The following UPF2 variants were observed in gnomAD, a reference collection of about 807,000 sequenced individuals.
The protein encoded by UPF2 is UPF2 regulator of nonsense mediated mRNA decay.
UPF2 carries 17 observed loss-of-function variants against 141.4 expected under a neutral mutation model. The ratio of observed to expected loss-of-function variants is 0.12; its 90% CI spans 0.08 to 0.18. The LOEUF (loss-of-function observed/expected upper bound fraction) is 0.18, where lower values mean the gene tolerates loss of function less well. Ranked by LOEUF, UPF2 falls within the 10% of genes least tolerant of loss-of-function variation. UPF2 has a pLI of 1.00. For synonymous variants in UPF2, 540 were observed against 498.0 expected (o/e 1.08, Z -1.12); for missense variants, 1,152 against 1,515.9 (o/e 0.76, Z 3.99).
intron 9 of UPF2, among the ~76,000 whole-genome samples, chr10:11,975,915 T>C (rs1438433440): frequency 1.3e-5 from 2 of 152,238 alleles, no homozygotes; most frequent in Non-Finnish European, 2.9e-5. Flanking sequence ...GGCTTTCAGA[T>C]GATCAGTTTT....
At chr10:11,964,823 G>A (rs564659525) in intron 10 of UPF2, among the ~76,000 whole-genome samples, 9 of 152,152 alleles carry the variant, frequency 5.9e-5, no homozygotes, top group African/African-American at 1.4e-4. Flanking sequence ...GAAATGTTTC[G>A]GATTTCCAAT....
chr10:11,969,162 T>C (rs971611969), intron 9 of UPF2, among the ~76,000 whole-genome samples: 4 of 151,646 alleles, frequency 2.6e-5, no homozygotes, highest in South Asian at 4.2e-4. Context: ...ACAATCAGCC[T>C]AGAACTTTTT....
chr10:12,027,365 CAAGA>C, intron 3 of UPF2, among the ~76,000 whole-genome samples: 1 of 152,248 alleles, frequency 6.6e-6, no homozygotes, highest in East Asian at 1.9e-4. Flanking sequence ...TCAAAGTAGC[CAAGA>C]ACTAATCAAT....
intron 9 of UPF2, among the ~76,000 whole-genome samples, chr10:11,973,308 T>G (rs1020178427): frequency 1.3e-5 from 2 of 152,026 alleles, no homozygotes; most frequent in East Asian, 1.9e-4. Context: ...GGGTAGATTG[T>G]AAAAATTTTC....
In UPF2 at chr10:12,035,129, C is replaced by T. The variant is rs746951146; in HGVS notation, c.295G>A (p.Glu99Lys). The stretch of plus-strand genomic sequence containing the variant: ...TCTTCTTGCTTCTTTCTCTCTTCCT[C>T]TTGATGTTTCTTTTTTTCTTCCTCT... ...KEEEEKKKHQ[E>K]EERKKQEEQA... Residue 99 changes from glutamate (E) to lysine (K), a missense_variant, in exon 2 of 22, where the codon GAG (glutamate) becomes AAG (lysine). Physicochemically the swap from Glu to Lys is moderately conservative, Grantham distance 56 (BLOSUM62 1). This residue lies in a region of UPF2 where 145 missense variants were observed against 136.5 expected (regional missense o/e 1.06). Transcript: ENST00000357604. 2.1e-5 allele frequency: 33 copies of T among 1,598,956 alleles called. No individual in the cohort carries two copies. Among genetic ancestry groups the T allele is most frequent in the Non-Finnish European group, 2.5e-5 (30 of 1,176,866 alleles).
chr10:12,013,790 G>A (rs1834172134), intron 4 of UPF2, among the ~76,000 whole-genome samples: 1 of 151,840 alleles, frequency 6.6e-6, no homozygotes, highest in Non-Finnish European at 1.5e-5. Context: ...AATAGAGATG[G>A]GGTCTCACTA....
chr10:11,941,386 T>C (rs1183167725), intron 18 of UPF2, among the ~76,000 whole-genome samples: 1 of 152,224 alleles, frequency 6.6e-6, no homozygotes, highest in Non-Finnish European at 1.5e-5. Flanking sequence ...TTTCTGGATA[T>C]ATGAAGACAT....
At chr10:12,034,492 T>C (rs1012334626) in intron 2 of UPF2, among the ~76,000 whole-genome samples, 24 of 151,876 alleles carry the variant, frequency 1.6e-4, no homozygotes, top group Non-Finnish European at 3.2e-4. Flanking sequence ...CTGACTAATT[T>C]TGTATGAAAA....
chr10:11,931,282 A>G lies in UPF2; in HGVS notation c.3688+359T>C, dbSNP rs1485026052. Among the ~76,000 whole-genome samples the G allele has an allele frequency of 1.3e-5, 2 of 152,232 alleles. No homozygotes were observed. The highest frequency in any genetic ancestry group is 1.5e-5 in the Non-Finnish European group (1 of 68,040). On this transcript the variant is annotated intron_variant, in intron 20 of 21. Transcript: ENST00000357604. This position sits in a 1 kb window ranked among gnomAD's most constrained non-coding sequence, Gnocchi z 5.9. The stretch of plus-strand genomic sequence containing the variant: ...AAGTACACTCTATGATGTTTGCACA[A>G]TGATGAAATTGCCTAATGTCACATT...
chr10:12,035,915 A>T (rs1449303558), intron 1 of UPF2: 1 of 152,510 alleles, frequency 6.6e-6, no homozygotes, highest in Non-Finnish European at 1.5e-5. Flanking sequence ...GGAAACAAAA[A>T]CAAGCCCTTG....
rs891723809 is a variant in UPF2 at position 11,920,869 on chromosome 10, G to A, written c.*429C>T. ...CCCAAATGTATCTTCTTCCAACGTGGGATGTTCAATTCAGAGACACTGAAA... is the reference window on the plus strand; with the variant it reads ...CCCAAATGTATCTTCTTCCAACGTGAGATGTTCAATTCAGAGACACTGAAA... On this transcript the variant is annotated 3_prime_UTR_variant, in exon 22 of 22. Coordinates refer to ENST00000357604, the MANE Select transcript of UPF2 (RefSeq NM_015542.4). The A allele has an allele frequency of 5.2e-6, 2 of 388,048 alleles. No homozygotes were observed. The highest frequency in any genetic ancestry group is 2.9e-5 in the Admixed American group (1 of 34,290). 24.0% of individuals were successfully genotyped at this position (388,048 alleles called of 1,614,324 possible).
chr10:11,963,377 G>A (rs755190652), intron 11 of UPF2, among the ~76,000 whole-genome samples: 47 of 149,262 alleles, frequency 3.1e-4, no homozygotes, highest in South Asian at 1.3e-3. Flanking sequence ...TCATTCTGCC[G>A]CCCAGGCTGG....
intron 10 of UPF2, 96 bp downstream of exon 10, chr10:11,967,245 G>T: frequency 2.7e-6 from 2 of 732,800 alleles, no homozygotes; most frequent in Non-Finnish European, 4.0e-6. Flanking sequence ...TCTTCTTTTG[G>T]ATTAATCAAA....
At chr10:12,000,128 CATT>C (rs1376126613) in intron 6 of UPF2, 119 bp from the exon 7 acceptor site, 36 of 761,296 alleles carry the variant, frequency 4.7e-5, no homozygotes, top group South Asian at 3.7e-4. Flanking sequence ...CCCAGGAAAA[CATT>C]AGTCATTTTT....
chr10:11,957,770 G>A (rs895182077), intron 12 of UPF2, among the ~76,000 whole-genome samples: 1 of 152,018 alleles, frequency 6.6e-6, no homozygotes, highest in Admixed American at 6.6e-5. Flanking sequence ...TGCCCACCTC[G>A]GCCTCCCAAA....
chr10:12,012,589 G>C (rs1453442867), intron 4 of UPF2, among the ~76,000 whole-genome samples: 1 of 151,966 alleles, frequency 6.6e-6, no homozygotes, highest in African/African-American at 2.4e-5. Context: ...CATGAGGTCA[G>C]GAGATCGAGA....
intron 3 of UPF2, among the ~76,000 whole-genome samples, chr10:12,018,023 T>C (rs539103392): frequency 6.6e-6 from 1 of 152,346 alleles, no homozygotes; most frequent in East Asian, 1.9e-4. Flanking sequence ...AACTGACATA[T>C]GTAGCCATAT....
chr10:12,041,256 C>A (rs1357581480), intron 1 of UPF2, among the ~76,000 whole-genome samples: 1 of 152,120 alleles, frequency 6.6e-6, no homozygotes, highest in Non-Finnish European at 1.5e-5. Context: ...TTAAATAGGT[C>A]CTTTCTCAAG....
In UPF2 at chr10:11,995,698, G is replaced by A. The variant is rs137954427; in HGVS notation, c.1844+1974C>T. Reference sequence around the variant, plus strand: ...CTCGGGAGGCTGAGGGAGGAGAATCGCTTGAACCCTGGAGTCGGAGGTTGC... The same window carrying A: ...CTCGGGAGGCTGAGGGAGGAGAATCACTTGAACCCTGGAGTCGGAGGTTGC... On this transcript the variant is annotated intron_variant, in intron 8 of 21. Transcript: ENST00000357604. Among the ~76,000 whole-genome samples the A allele has an allele frequency of 5.2e-3, 785 of 152,134 alleles. 3 individuals are homozygous for A. The highest frequency in any genetic ancestry group is 0.02 in the Middle Eastern group (6 of 294).
Sources: allele counts gnomAD v4.1 joint callset (sites outside exome capture counted in the v4.1 genomes callset), GRCh38; gene constraint gnomAD v4.1.1; regional missense constraint gnomAD v4.1.1; non-coding constraint Gnocchi (gnomAD v3.1); transcripts MANE v1.5; gene names NCBI Gene and HGNC (gene_info 2026-07-23, HGNC 2026-07-21).